The following ESRRG variants were observed in gnomAD, a reference collection of about 807,000 sequenced individuals.
The protein encoded by ESRRG is estrogen-related receptor gamma.
In ESRRG, 13 loss-of-function variants were observed where a neutral mutation model predicts 44.0. That is an observed-to-expected ratio of 0.30 (90% CI 0.19 to 0.47). The LOEUF is 0.47. Ranked by LOEUF, ESRRG falls within the 20% of genes least tolerant of loss-of-function variation. The pLI, the probability that ESRRG is intolerant of heterozygous loss-of-function variation, is 1.00. For synonymous variants in ESRRG, 215 were observed against 214.6 expected (o/e 1.00, Z -0.02); for missense variants, 395 against 580.6 (o/e 0.68, Z 3.29).
At position 216,750,613 on chromosome 1, in the gene ESRRG, AC is replaced by A. The variant is rs540506131; in HGVS notation, c.-13-73123del. Among the ~76,000 whole-genome samples the A allele has an allele frequency of 2.2e-3, 338 of 152,102 alleles. 8 individuals are homozygous for A. Among genetic ancestry groups the A allele is most frequent in the Admixed American group, 0.013 (202 of 15,258 alleles). ...AAAAATGAAAACTCTATAGGCTAGGACCCTTTATAAATATATGTCCTGACAA... is the reference window on the plus strand; with the variant it reads ...AAAAATGAAAACTCTATAGGCTAGGACCTTTATAAATATATGTCCTGACAA... On this transcript the variant is annotated intron_variant, in intron 2 of 7. Transcript: ENST00000359162.
intron 1 of ESRRG, among the ~76,000 whole-genome samples, chr1:216,718,335 A>G (rs2085359640): frequency 6.6e-6 from 1 of 151,982 alleles, no homozygotes; most frequent in African/African-American, 2.4e-5. Flanking sequence ...TTTCACATGC[A>G]TACTATACAT....
intron 2 of ESRRG, among the ~76,000 whole-genome samples, chr1:216,938,040 T>C (rs1046092752): frequency 6.6e-5 from 10 of 152,120 alleles, no homozygotes; most frequent in African/African-American, 2.2e-4. Flanking sequence ...CTTAAGACCC[T>C]CATTCCTTGT....
At chr1:216,895,518 A>G (rs927295341) in intron 2 of ESRRG, among the ~76,000 whole-genome samples, 1 of 152,198 alleles carries the variant, frequency 6.6e-6, no homozygotes, top group African/African-American at 2.4e-5. Flanking sequence ...TTCAGCTCTA[A>G]TTGGAAGATA....
intron 1 of ESRRG, chr1:217,076,888 A>G (rs1431542946): frequency 6.6e-6 from 1 of 152,196 alleles, no homozygotes; most frequent in Non-Finnish European, 1.5e-5. Context: ...TTTGCCCAGA[A>G]TCACATTGGC....
chr1:216,852,775 C>T (rs1341230623), intron 2 of ESRRG, among the ~76,000 whole-genome samples: 1 of 152,144 alleles, frequency 6.6e-6, no homozygotes, highest in Non-Finnish European at 1.5e-5. Context: ...AAAGTCCAGA[C>T]ATTTAGGTCT....
chr1:217,066,787 T>G (rs1295109710), intron 1 of ESRRG, among the ~76,000 whole-genome samples: 2 of 152,110 alleles, frequency 1.3e-5, no homozygotes, highest in Non-Finnish European at 2.9e-5. Context: ...CCTCTTCCAG[T>G]CTTAATAATC....
intron 1 of ESRRG, among the ~76,000 whole-genome samples, chr1:217,063,181 A>G (rs947296864): frequency 1.3e-5 from 2 of 152,112 alleles, no homozygotes; most frequent in East Asian, 1.9e-4. Context: ...TATGCTTTAC[A>G]TAGTTATTTT....
At chr1:217,115,849 A>T (rs1264955162) in intron 1 of ESRRG, among the ~76,000 whole-genome samples, 1 of 152,120 alleles carries the variant, frequency 6.6e-6, no homozygotes, top group African/African-American at 2.4e-5. Flanking sequence ...CTAGAACATA[A>T]GCCACAAGAG....
chr1:216,958,849 T>A (rs2068477208), intron 1 of ESRRG, among the ~76,000 whole-genome samples: 1 of 152,162 alleles, frequency 6.6e-6, no homozygotes, highest in South Asian at 2.1e-4. Flanking sequence ...TCCTGTTCCC[T>A]CTGCAGGGAT....
rs557550258 is a variant in ESRRG at position 216,666,320 on chromosome 1, T to TA, written c.472+10755_472+10756insT. The stretch of plus-strand genomic sequence containing the variant: ...CCTATCTGGCTTTAGCCATAACCAA[T>TA]TTTGAGTTCACTGGAGGAATGGCTT... On this transcript the variant is annotated intron_variant, in intron 2 of 6. Coordinates refer to ENST00000408911, the MANE Select transcript of ESRRG (RefSeq NM_001438.4). Among the ~76,000 whole-genome samples, 9 of 152,358 alleles carry TA rather than the reference T, an allele frequency of 5.9e-5. No individual in the cohort carries two copies. The East Asian group carries it at 1.7e-3, about 29-fold the overall frequency.
At chr1:216,508,003 T>C (rs1228425635) in intron 6 of ESRRG, among the ~76,000 whole-genome samples, 1 of 152,238 alleles carries the variant, frequency 6.6e-6, no homozygotes, top group Admixed American at 6.5e-5. Context: ...CTTAATTATA[T>C]ACAAGTTTGA....
chr1:216,886,754 C>A (rs1461155612), intron 2 of ESRRG, among the ~76,000 whole-genome samples: 1 of 152,124 alleles, frequency 6.6e-6, no homozygotes, highest in Non-Finnish European at 1.5e-5. Flanking sequence ...GACAGGTTCT[C>A]ACTCTATCAC....
intron 3 of ESRRG, among the ~76,000 whole-genome samples, chr1:216,619,901 C>A (rs1255275406): frequency 6.6e-6 from 1 of 152,050 alleles, no homozygotes; most frequent in Non-Finnish European, 1.5e-5. Context: ...TATGCCTATT[C>A]AATGTGAATT....
rs181200774 is a variant in ESRRG, at chr1:216,872,320, C to A, written c.-14+67262G>T. Among the ~76,000 whole-genome samples, 179 of 152,186 alleles carry A rather than the reference C, an allele frequency of 1.2e-3. 2 individuals carry two copies. Among genetic ancestry groups the A allele is most frequent in the Admixed American group, 9.7e-3 (149 of 15,290 alleles). On this transcript the variant is annotated intron_variant, in intron 2 of 7. Transcript: ENST00000359162. ...TGTTTGATTTTCACTGAACCTGAAT[C>A]TATGGGTTATTTTCTTTCTCCTAGT...
At chr1:216,530,934 A>G (rs1166107757) in intron 5 of ESRRG, among the ~76,000 whole-genome samples, 3 of 152,132 alleles carry the variant, frequency 2.0e-5, no homozygotes, top group Non-Finnish European at 4.4e-5. Flanking sequence ...AGAAAAAAAA[A>G]TGAAAATCCT....
chr1:216,737,233 G>C (rs2090070563), intron 2 of ESRRG, among the ~76,000 whole-genome samples: 1 of 152,082 alleles, frequency 6.6e-6, no homozygotes, highest in South Asian at 2.1e-4. Context: ...CCTTAAAATT[G>C]GTGGAGACAG....
intron 3 of ESRRG, among the ~76,000 whole-genome samples, chr1:216,639,508 A>G (rs185730306): frequency 6.6e-6 from 1 of 152,308 alleles, no homozygotes; most frequent in East Asian, 1.9e-4. Flanking sequence ...GCTTGAACTG[A>G]GACACAAAAC....
At position 216,912,181 on chromosome 1, in the gene ESRRG, A is replaced by AG. The variant is rs2060486532; in HGVS notation, c.-14+27400_-14+27401insC. Among the ~76,000 whole-genome samples, 48 of 15,976 alleles carry AG rather than the reference A, an allele frequency of 3.0e-3. 4 individuals carry two copies. The highest frequency in any genetic ancestry group is 0.012 in the East Asian group (6 of 510). 10.5% of individuals were successfully genotyped at this position (15,976 alleles called of 152,430 possible). A position where few individuals can be genotyped will look rare whatever the true frequency, so the allele number is the denominator to read the frequency against. On this transcript the variant is annotated intron_variant, in intron 2 of 7. Transcript: ENST00000359162. The stretch of plus-strand genomic sequence containing the variant: ...AAAAGAAAAGAAAAGAAAAGAAAAG[A>AG]AAAGGAGAGGAGAGGAGAGGAGAGG...
intron 5 of ESRRG, among the ~76,000 whole-genome samples, chr1:216,525,216 G>A (rs1190934150): frequency 6.6e-6 from 1 of 152,160 alleles, no homozygotes; most frequent in East Asian, 1.9e-4. Flanking sequence ...TTTCCTGTGA[G>A]TGGGAGTTTT....
Sources: allele counts gnomAD v4.1 joint callset (sites outside exome capture counted in the v4.1 genomes callset), GRCh38; gene constraint gnomAD v4.1.1; transcripts MANE v1.5; gene names NCBI Gene and HGNC (gene_info 2026-07-23, HGNC 2026-07-21).